The following CASK variants were observed in gnomAD, a reference collection of about 807,000 sequenced individuals.
The protein encoded by CASK is peripheral plasma membrane protein CASK.
Under a neutral mutation model 82.9 loss-of-function variants are expected in CASK, and 4 were observed. The observed-to-expected ratio is 0.05, with a 90% confidence interval of 0.02 to 0.11. The LOEUF (loss-of-function observed/expected upper bound fraction) is 0.11, where lower values mean the gene tolerates loss of function less well. CASK is among the 10% of genes least tolerant of loss of function. The pLI is 1.00. For missense variants in CASK, 358 were observed against 720.9 expected (o/e 0.50, Z 5.76); for synonymous variants, 259 against 253.5 (o/e 1.02, Z -0.20).
intron 24 of CASK, among the ~76,000 whole-genome samples, chrX:41,532,654 C>T (rs1466246395): frequency 1.8e-5 from 2 of 109,507 alleles, no homozygotes; most frequent in African/African-American, 6.7e-5. Flanking sequence ...CAAATTTATG[C>T]TACTCTCTTC....
At position 41,829,785 on chromosome X, in the gene CASK, T is replaced by C. The variant is rs373371989; in HGVS notation, c.172+23330A>G. On this transcript the variant is annotated intron_variant, in intron 2 of 26. Transcript: ENST00000378163. Reference sequence around the variant, plus strand: ...AGCTTTGGTAGATATTCCCAAACAGTTTATCAAAGTGGTTAAACTAATTTG... The same window carrying C: ...AGCTTTGGTAGATATTCCCAAACAGCTTATCAAAGTGGTTAAACTAATTTG... Among the ~76,000 whole-genome samples, 4 of 69,666 alleles carry C rather than the reference T, an allele frequency of 5.7e-5. No individual in the cohort carries two copies. The East Asian group carries it at 1.6e-3, about 28-fold the overall frequency. The allele number at this position is 69,666 out of a possible 115,157, so 60.5% of individuals were successfully genotyped here. A position where few individuals can be genotyped will look rare whatever the true frequency, so the allele number is the denominator to read the frequency against.
chrX:41,634,094 T>C (rs1475463488), intron 9 of CASK, among the ~76,000 whole-genome samples: 1 of 112,036 alleles, frequency 8.9e-6, no homozygotes. Context: ...TTCTGTGAAC[T>C]CCCTTTTAAT....
At chrX:41,664,339 C>T (rs754225800) in intron 7 of CASK, among the ~76,000 whole-genome samples, 9 of 111,133 alleles carry the variant, frequency 8.1e-5, no homozygotes, top group South Asian at 3.8e-4. Context: ...CTAACATTAC[C>T]GAGGAATTGA....
intron 18 of CASK, chrX:41,559,474 GT>G (rs2065198095): frequency 6.9e-6 from 2 of 288,813 alleles, no homozygotes; most frequent in Non-Finnish European, 1.2e-5. Context: ...ATGGCCTTTA[GT>G]TTTTTTCCCT....
At chrX:41,922,791 A>C in intron 1 of CASK, 139 bp downstream of exon 1, 1 of 563,856 alleles carries the variant, frequency 1.8e-6, no homozygotes, top group South Asian at 2.5e-5. Context: ...ACGTCTATAA[A>C]TACTCCAGGA....
intron 5 of CASK, among the ~76,000 whole-genome samples, chrX:41,707,527 G>A (rs1190405957): frequency 8.9e-6 from 1 of 112,105 alleles, no homozygotes; most frequent in Non-Finnish European, 1.9e-5. Context: ...CCAAGTCTAG[G>A]GGTAGTTAAG....
At chrX:41,752,223 CT>C (rs2068807575) in intron 3 of CASK, among the ~76,000 whole-genome samples, 1 of 110,991 alleles carries the variant, frequency 9.0e-6, no homozygotes. Flanking sequence ...ACCCTAAATG[CT>C]TGGAAATTGA....
intron 1 of CASK, among the ~76,000 whole-genome samples, chrX:41,878,360 G>C (rs1436012900): frequency 9.0e-6 from 1 of 111,293 alleles, no homozygotes; most frequent in Admixed American, 9.5e-5. Context: ...TAAGGGTGAT[G>C]CCAGTCCAAG....
At chrX:41,873,786 T>C (rs1383375972) in intron 1 of CASK, among the ~76,000 whole-genome samples, 2 of 86,543 alleles carry the variant, frequency 2.3e-5, no homozygotes, top group African/African-American at 4.2e-5. Context: ...TTGTTGTTCC[T>C]TTTTTTTTTT....
rs761839401 is a variant in CASK at position 41,832,383 on chromosome X, T to C, written c.172+20732A>G. Among the ~76,000 whole-genome samples, 33 of 112,095 alleles carry C rather than the reference T, an allele frequency of 2.9e-4. 1 individual carries two copies. In the Admixed American group the frequency reaches 3.1e-3, roughly 11 times the overall value. On this transcript the variant is annotated intron_variant, in intron 2 of 26. Transcript: ENST00000378163. Reference sequence around the variant, plus strand: ...CCAACAAGGATCTCATTTTCTTGCATGTGGTAGAATAAGACAGGGCTCAAC... The same window carrying C: ...CCAACAAGGATCTCATTTTCTTGCACGTGGTAGAATAAGACAGGGCTCAAC...
chrX:41,886,146 G>A (rs1383822849), intron 1 of CASK, among the ~76,000 whole-genome samples: 2 of 111,832 alleles, frequency 1.8e-5, no homozygotes, highest in Non-Finnish European at 3.8e-5. Context: ...GAGCAGTGAA[G>A]TAACCCCTTT....
At chrX:41,832,035 TA>T (rs774374805) in intron 2 of CASK, among the ~76,000 whole-genome samples, 31 of 100,813 alleles carry the variant, frequency 3.1e-4, no homozygotes, top group Admixed American at 3.2e-4. Flanking sequence ...ACACGAAACC[TA>T]AAAAAAAAAA....
Position 41,677,106 on chromosome X carries a change from A to T in CASK, c.430-5576T>A, listed in dbSNP as rs921039728. Among the ~76,000 whole-genome samples the T allele has an allele frequency of 3.7e-5, 4 of 107,567 alleles. No individual in the cohort carries two copies. In the Admixed American group the frequency reaches 4.0e-4, roughly 11 times the overall value. 93.4% of individuals were successfully genotyped at this position (107,567 alleles called of 115,157 possible). On this transcript the variant is annotated intron_variant, in intron 5 of 26. Coordinates refer to ENST00000378163, the MANE Select transcript of CASK (RefSeq NM_001367721.1). The stretch of plus-strand genomic sequence containing the variant: ...AAGATTGCTTGAGCCCAGGAGTTTC[A>T]GACCAGCCTGGGCAACATGGCAAAA...
intron 2 of CASK, among the ~76,000 whole-genome samples, chrX:41,841,608 T>C (rs777720686): frequency 2.8e-5 from 3 of 108,171 alleles, no homozygotes; most frequent in Non-Finnish European, 5.8e-5. Context: ...CTCTGCCTCT[T>C]GAGTTCAGGA....
At chrX:41,865,531 A>C (rs2071575528) in intron 1 of CASK, among the ~76,000 whole-genome samples, 1 of 111,930 alleles carries the variant, frequency 8.9e-6, no homozygotes, top group Non-Finnish European at 1.9e-5. Flanking sequence ...CCCATATCTG[A>C]TTCAACTGGG....
intron 5 of CASK, among the ~76,000 whole-genome samples, chrX:41,721,845 T>C (rs1422857632): frequency 8.9e-6 from 1 of 112,020 alleles, no homozygotes; most frequent in Non-Finnish European, 1.9e-5. Context: ...TTCCTTCCAT[T>C]TGCTTTCACA....
chrX:41,776,283 A>G (rs893289478), intron 3 of CASK, among the ~76,000 whole-genome samples: 7 of 112,407 alleles, frequency 6.2e-5, no homozygotes, highest in African/African-American at 2.3e-4. Flanking sequence ...TTTCAGCTCC[A>G]TTATACTCTT....
chrX:41,777,488 C>CAAA (rs745388835), intron 3 of CASK, among the ~76,000 whole-genome samples: 476 of 41,349 alleles, frequency 0.012, 7 homozygotes, highest in African/African-American at 0.035. Context: ...GACATCGTCT[C>CAAA]AAAAAAAAAA....
chrX:41,644,433 T>C (rs895007894), intron 8 of CASK, among the ~76,000 whole-genome samples: 7 of 112,560 alleles, frequency 6.2e-5, no homozygotes, highest in African/African-American at 1.9e-4. Context: ...TGTGATTTCC[T>C]ATGCCTGTCT....
Sources: gnomAD v4.1 joint callset for allele counts (sites outside exome capture counted in the v4.1 genomes callset) on GRCh38, gnomAD v4.1.1 for gene constraint, MANE v1.5 for transcripts, NCBI Gene and HGNC (gene_info 2026-07-23, HGNC 2026-07-21) for gene names.